The following IL27RA variants were observed in gnomAD, a reference collection of about 807,000 sequenced individuals.
The protein encoded by IL27RA is interleukin 27 receptor subunit alpha.
A neutral mutation model predicts 80.8 loss-of-function variants in IL27RA; 61 were observed. The ratio of observed to expected loss-of-function variants is 0.76; its 90% CI spans 0.61 to 0.93. IL27RA has a LOEUF of 0.93. Among genes scored for constraint, IL27RA ranks in the 40% least tolerant of loss-of-function variants. The pLI, the probability that IL27RA is intolerant of heterozygous loss-of-function variation, is 0.00. For synonymous variants in IL27RA, 316 were observed against 332.5 expected, an observed-to-expected ratio of 0.95 and a Z score of 0.54; for missense variants, 735 against 808.1, an observed-to-expected ratio of 0.91 and a Z score of 1.10.
In IL27RA at chr19:14,031,850, A is replaced by C; in HGVS notation, c.-23A>C. On this transcript the variant is annotated 5_prime_UTR_variant, in exon 1 of 14. Transcript: ENST00000263379. ...CGCGGACCCGGCAAGGCTGGGCCGGACTCGGGGCTCCCGAGGGACGCCATG... is the reference window on the plus strand; with the variant it reads ...CGCGGACCCGGCAAGGCTGGGCCGGCCTCGGGGCTCCCGAGGGACGCCATG... 1 of 1,570,912 alleles carries C rather than the reference A, an allele frequency of 6.4e-7. No homozygotes were observed. Among genetic ancestry groups the C allele is most frequent in the African/African-American group, 1.4e-5 (1 of 73,980 alleles).
At chr19:14,032,002 G>C (rs770670065) in intron 1 of IL27RA, 30 bp downstream of exon 1, 1 of 1,569,992 alleles carries the variant, frequency 6.4e-7, no homozygotes, top group Non-Finnish European at 8.7e-7. Context: ...CGTGTCCCGG[G>C]CGCTGCCGCT....
chr19:14,051,824 G>C, intron 12 of IL27RA, 56 bp from the exon 13 acceptor site: 1 of 1,474,330 alleles, frequency 6.8e-7, no homozygotes, highest in Non-Finnish European at 9.4e-7. Context: ...CCTGCACCCT[G>C]GGCTGGGGCA....
At chr19:14,050,511 C>CAAAAA (rs34034204) in intron 10 of IL27RA, among the ~76,000 whole-genome samples, 1 of 99,966 alleles carries the variant, frequency 1.0e-5, no homozygotes. Context: ...GACTTCATGT[C>CAAAAA]AAAAAAAAAA....
chr19:14,047,210 ATTT>A (rs564818958), intron 8 of IL27RA, among the ~76,000 whole-genome samples: 1 of 130,650 alleles, frequency 7.7e-6, no homozygotes, highest in African/African-American at 2.8e-5. Flanking sequence ...CAATCGGTTA[ATTT>A]TTTTTTTTTT....
At chr19:14,037,220 G>A (rs1051660197) in intron 2 of IL27RA, among the ~76,000 whole-genome samples, 5 of 151,422 alleles carry the variant, frequency 3.3e-5, no homozygotes, top group Admixed American at 6.6e-5. Flanking sequence ...AGACACGTCC[G>A]TTGGACAAAC....
chr19:14,051,832 G>A, intron 12 of IL27RA, 48 bp from the exon 13 acceptor site: 1 of 1,485,184 alleles, frequency 6.7e-7, no homozygotes, highest in Non-Finnish European at 9.3e-7. Flanking sequence ...CTGGGCTGGG[G>A]CATCTGGCCA....
intron 2 of IL27RA, among the ~76,000 whole-genome samples, chr19:14,035,205 C>T (rs535322514): frequency 6.5e-4 from 99 of 152,068 alleles, no homozygotes; most frequent in African/African-American, 2.2e-3. Context: ...CCATGTTGCC[C>T]AGACTGCTTT....
At chr19:14,045,710 G>A (rs1348211472) in intron 6 of IL27RA, among the ~76,000 whole-genome samples, 1 of 151,000 alleles carries the variant, frequency 6.6e-6, no homozygotes, top group Admixed American at 6.6e-5. Flanking sequence ...TTGGGTTTTT[G>A]GTATCCCCCA....
At chr19:14,032,187 G>C (rs960213124) in intron 1 of IL27RA, among the ~76,000 whole-genome samples, 199 bp from the exon 2 acceptor site, 38 of 152,172 alleles carry the variant, frequency 2.5e-4, no homozygotes, top group Non-Finnish European at 1.0e-4. Flanking sequence ...CTCTCTGGGT[G>C]GTTAACAGGA....
At position 14,046,506 on chromosome 19, in the gene IL27RA, G is replaced by C; in HGVS notation, c.1029G>C (p.Pro343=). 2 of 1,614,104 alleles carry C rather than the reference G, an allele frequency of 1.2e-6. No homozygotes were observed. Among genetic ancestry groups the C allele is most frequent in the Non-Finnish European group, 1.7e-6 (2 of 1,180,002 alleles). The change falls in exon 8 of 14, where the codon CCG becomes CCC. Residue 343 remains proline, a synonymous_variant. Coordinates refer to ENST00000263379, the MANE Select transcript of IL27RA (RefSeq NM_004843.4). ...GSTELLVTWQ[P]GPGEPLEHVV... Reference sequence around the variant, plus strand: ...CGGAGCTACTGGTGACCTGGCAACCGGGGCCTGGGGAACCACTGGAGCATG... The same window carrying C: ...CGGAGCTACTGGTGACCTGGCAACCCGGGCCTGGGGAACCACTGGAGCATG...
Position 14,046,173 on chromosome 19 carries a change from A to C in IL27RA, c.788A>C (p.Gln263Pro). Reference sequence around the variant, plus strand: ...TCTCAGGCCCCAGGGCCCTGTGTGCAGGTGAGCTACAAAGTCTGGTTCTGG... The same window carrying C: ...TCTCAGGCCCCAGGGCCCTGTGTGCCGGTGAGCTACAAAGTCTGGTTCTGG... ...LLWKAPGPCV[Q>P]VSYKVWFWVG... Residue 263 changes from glutamine (Q) to proline (P), a missense_variant, in exon 7 of 14, where the codon CAG becomes CCG. Gln to Pro is a moderately conservative substitution (Grantham distance 76). Transcript: ENST00000263379. The C allele has an allele frequency of 6.2e-7, 1 of 1,614,172 alleles. No homozygotes were observed. Among genetic ancestry groups the C allele is most frequent in the South Asian group, 1.1e-5 (1 of 91,074 alleles).
intron 2 of IL27RA, 36 bp from the exon 3 acceptor site, chr19:14,039,472 C>G (rs543667292): frequency 6.3e-7 from 1 of 1,585,132 alleles, no homozygotes. Context: ...TGGCTCTAGC[C>G]GAGTGTGCAT....
chr19:14,051,374 A>G (rs1462618545), intron 11 of IL27RA, among the ~76,000 whole-genome samples: 1 of 151,878 alleles, frequency 6.6e-6, no homozygotes, highest in African/African-American at 2.4e-5. Context: ...GTGAAACCCC[A>G]TCTCTACTAA....
intron 2 of IL27RA, among the ~76,000 whole-genome samples, chr19:14,036,608 C>T (rs950331383): frequency 6.6e-6 from 1 of 150,750 alleles, no homozygotes; most frequent in African/African-American, 2.4e-5. Context: ...CGTGCCTCAG[C>T]CTCCCGAGTA....
chr19:14,032,147 G>T (rs980166692), intron 1 of IL27RA, among the ~76,000 whole-genome samples, 175 bp downstream of exon 1: 1 of 152,180 alleles, frequency 6.6e-6, no homozygotes, highest in African/African-American at 2.4e-5. Context: ...CAGCGAGGTC[G>T]AACCGGAGCC....
At position 14,039,764 on chromosome 19, in the gene IL27RA, GC is replaced by G; in HGVS notation, c.394del (p.Arg132GlyfsTer31). ...VNLETQMKPN[A>X]PRLGPDVDFS... Reference sequence around the variant, plus strand: ...TTCCCCTTCCCCAGTGAAGCCAAACGCCCCCCGGCTGGGCCCTGACGTGGAC... The same window carrying G: ...TTCCCCTTCCCCAGTGAAGCCAAACGCCCCCGGCTGGGCCCTGACGTGGAC... On this transcript the variant is annotated frameshift_variant, in exon 4 of 14. Coordinates refer to ENST00000263379, the MANE Select transcript of IL27RA (RefSeq NM_004843.4). LOFTEE classifies it high-confidence loss of function. The G allele has an allele frequency of 5.6e-6, 9 of 1,613,640 alleles. No homozygotes were observed. The highest frequency in any genetic ancestry group is 5.9e-6 in the Non-Finnish European group (7 of 1,179,760).
chr19:14,032,088 A>T (rs1164346017), intron 1 of IL27RA, 116 bp downstream of exon 1: 34 of 918,308 alleles, frequency 3.7e-5, no homozygotes, highest in Non-Finnish European at 5.2e-5. Context: ...TGCAGGCGCC[A>T]CTCGGCTCCT....
chr19:14,032,063 A>G, intron 1 of IL27RA, 91 bp downstream of exon 1: 1 of 1,141,404 alleles, frequency 8.8e-7, no homozygotes, highest in Non-Finnish European at 1.3e-6. Flanking sequence ...GCGTATGCAG[A>G]GCGAACGGTA....
chr19:14,049,873 C>T (rs1276917813), intron 10 of IL27RA, among the ~76,000 whole-genome samples: 2 of 151,844 alleles, frequency 1.3e-5, no homozygotes, highest in Non-Finnish European at 2.9e-5. Context: ...CCACTGCGCC[C>T]GGCCTATATA....
Sources: gnomAD v4.1 joint callset for allele counts (sites outside exome capture counted in the v4.1 genomes callset) on GRCh38, gnomAD v4.1.1 for gene constraint, MANE v1.5 for transcripts, NCBI Gene and HGNC (gene_info 2026-07-23, HGNC 2026-07-21) for gene names.